NRP1: variants seen among roughly 807,000 people sequenced by gnomAD.
The protein encoded by NRP1 is neuropilin 1.
NRP1 carries 35 observed loss-of-function variants against 106.7 expected under a neutral mutation model. That is an observed-to-expected ratio of 0.33 (90% confidence interval 0.25 to 0.43). The LOEUF (loss-of-function observed/expected upper bound fraction) is 0.43. Among genes scored for constraint, NRP1 ranks in the 20% least tolerant of loss-of-function variants. The probability of loss-of-function intolerance (pLI) is 1.00; values close to 1 mark genes in which losing one functional copy is unlikely to be tolerated. For synonymous variants in NRP1, 437 were observed against 417.9 expected (o/e 1.05, Z -0.56); for missense variants, 1,024 against 1,170.4 (o/e 0.87, Z 1.83).
intron 2 of NRP1, among the ~76,000 whole-genome samples, chr10:33,275,503 G>A (rs1843620764): frequency 6.6e-6 from 1 of 152,146 alleles, no homozygotes; most frequent in African/African-American, 2.4e-5. Flanking sequence ...GGGAGGTGGA[G>A]GCTGCAGTGA....
intron 11 of NRP1, chr10:33,202,409 G>A: frequency 2.1e-6 from 1 of 477,642 alleles, no homozygotes; most frequent in East Asian, 3.8e-5. Flanking sequence ...AATGTACAAT[G>A]ATTTACCAAA....
chr10:33,285,354 A>C (rs1564455116), intron 2 of NRP1, among the ~76,000 whole-genome samples: 1 of 152,206 alleles, frequency 6.6e-6, no homozygotes, highest in African/African-American at 2.4e-5. Flanking sequence ...AGCCCAGAAC[A>C]CTCAATGGAG....
At chr10:33,182,971 C>G (rs1477436787) in intron 15 of NRP1, among the ~76,000 whole-genome samples, 1 of 152,084 alleles carries the variant, frequency 6.6e-6, no homozygotes. Flanking sequence ...GACATCACAA[C>G]ACTGCCTTTA....
intron 6 of NRP1, among the ~76,000 whole-genome samples, chr10:33,245,983 T>G (rs1226107213): frequency 6.6e-6 from 1 of 152,208 alleles, no homozygotes; most frequent in Non-Finnish European, 1.5e-5. Flanking sequence ...TGCTTCATCA[T>G]CAAAATCTAA....
intron 2 of NRP1, among the ~76,000 whole-genome samples, chr10:33,286,862 CG>C (rs1416224945): frequency 6.6e-6 from 1 of 151,936 alleles, no homozygotes; most frequent in Non-Finnish European, 1.5e-5. Flanking sequence ...AACATTTTTG[CG>C]TGTGTGTAAT....
chr10:33,283,521 A>C (rs1483174205), intron 2 of NRP1, among the ~76,000 whole-genome samples: 5 of 152,230 alleles, frequency 3.3e-5, no homozygotes, highest in Non-Finnish European at 7.3e-5. Flanking sequence ...GTACAATAAT[A>C]CTTCAGATAT....
intron 6 of NRP1, among the ~76,000 whole-genome samples, chr10:33,241,429 C>T (rs1564414336): frequency 6.6e-6 from 1 of 152,048 alleles, no homozygotes; most frequent in Non-Finnish European, 1.5e-5. Context: ...CAACTTTAAA[C>T]CATAGGAGGA....
intron 15 of NRP1, among the ~76,000 whole-genome samples, chr10:33,184,233 C>G (rs926287784): frequency 1.3e-5 from 2 of 152,116 alleles, no homozygotes; most frequent in Admixed American, 1.3e-4. Flanking sequence ...CCAGGCTGGT[C>G]CTAAACTCCT....
intron 9 of NRP1, chr10:33,211,732 G>C (rs1490813583): frequency 2.0e-5 from 3 of 152,224 alleles, no homozygotes; most frequent in East Asian, 1.9e-4. Context: ...AATGCCTCTG[G>C]CTTGAGTCAC....
chr10:33,206,847 G>A (rs542703725), intron 10 of NRP1, among the ~76,000 whole-genome samples: 2 of 152,324 alleles, frequency 1.3e-5, no homozygotes, highest in East Asian at 1.9e-4. Context: ...TTCAAAGAGA[G>A]TGCAGCCATG....
chr10:33,256,162 G>T (rs1471754543), intron 5 of NRP1, among the ~76,000 whole-genome samples, 154 bp downstream of exon 5: 1 of 152,044 alleles, frequency 6.6e-6, no homozygotes, highest in African/African-American at 2.4e-5. Flanking sequence ...TCTTCCTATT[G>T]ATACTCATAA....
chr10:33,251,896 G>A (rs553582006), intron 6 of NRP1, among the ~76,000 whole-genome samples: 3 of 152,184 alleles, frequency 2.0e-5, no homozygotes, highest in East Asian at 1.9e-4. Context: ...GGTACAGAAG[G>A]GGGAAGGGAA....
intron 4 of NRP1, among the ~76,000 whole-genome samples, chr10:33,260,015 C>G (rs996833548): frequency 2.0e-5 from 3 of 152,010 alleles, no homozygotes; most frequent in Non-Finnish European, 2.9e-5. Context: ...CCACTACCAC[C>G]AGCTAATTTT....
intron 2 of NRP1, among the ~76,000 whole-genome samples, chr10:33,292,340 C>A (rs1845056698): frequency 6.6e-6 from 1 of 152,182 alleles, no homozygotes; most frequent in Non-Finnish European, 1.5e-5. Context: ...CCCAATTGTT[C>A]TTGGAAAGCA....
intron 6 of NRP1, among the ~76,000 whole-genome samples, chr10:33,249,093 T>TTTG (rs1033123438): frequency 6.8e-6 from 1 of 146,720 alleles, no homozygotes; most frequent in African/African-American, 2.5e-5. Context: ...TGTTTTTTTT[T>TTTG]TTTTTTTTTT....
intron 2 of NRP1, among the ~76,000 whole-genome samples, chr10:33,281,495 C>T (rs1301610037): frequency 1.3e-5 from 2 of 152,174 alleles, no homozygotes; most frequent in Admixed American, 1.3e-4. Context: ...GGCGGCTCCT[C>T]CATTAAGAAG....
At chr10:33,313,866 CCAGA>C (rs1233650970) in intron 2 of NRP1, among the ~76,000 whole-genome samples, 1 of 152,172 alleles carries the variant, frequency 6.6e-6, no homozygotes, top group African/African-American at 2.4e-5. Context: ...TGCCTCTGCC[CCAGA>C]CAGTCTTTTG....
At chr10:33,235,660 T>C (rs528328833) in intron 6 of NRP1, among the ~76,000 whole-genome samples, 2 of 152,338 alleles carry the variant, frequency 1.3e-5, no homozygotes, top group East Asian at 3.9e-4. Context: ...CCTCTCTTAC[T>C]TGATAAACCC....
intron 1 of NRP1, among the ~76,000 whole-genome samples, chr10:33,332,168 T>C (rs1433543450): frequency 6.6e-6 from 1 of 152,192 alleles, no homozygotes; most frequent in Non-Finnish European, 1.5e-5. Flanking sequence ...ATATAAGTTA[T>C]ATTGTTTTTC....
Sources: gnomAD v4.1 joint callset for allele counts (sites outside exome capture counted in the v4.1 genomes callset) on GRCh38, gnomAD v4.1.1 for gene constraint, MANE v1.5 for transcripts, NCBI Gene and HGNC (gene_info 2026-07-23, HGNC 2026-07-21) for gene names.